HLCS: variants seen among roughly 807,000 people sequenced by gnomAD.
HLCS encodes the protein biotin--protein ligase.
A neutral mutation model predicts 75.0 loss-of-function variants in HLCS; 53 were observed. The ratio of observed to expected loss-of-function variants is 0.71; its 90% confidence interval spans 0.57 to 0.89. The LOEUF (loss-of-function observed/expected upper bound fraction) is 0.89. Ranked by LOEUF, HLCS falls within the 40% of genes least tolerant of loss-of-function variation. The pLI, the probability that HLCS is intolerant of heterozygous loss-of-function variation, is 0.00. For missense variants in HLCS, 966 were observed against 1,074.0 expected, an observed-to-expected ratio of 0.90 and a Z score of 1.41; for synonymous variants, 431 against 428.6, an observed-to-expected ratio of 1.01 and a Z score of -0.07.
intron 5 of HLCS, among the ~76,000 whole-genome samples, chr21:36,903,745 T>C (rs1419907126): frequency 6.6e-6 from 1 of 152,226 alleles, no homozygotes; most frequent in African/African-American, 2.4e-5. Flanking sequence ...TCAAACACAG[T>C]ACCATGGTAG....
At chr21:36,971,094 CA>C (rs1294864282), upstream of HLCS, among the ~76,000 whole-genome samples, 1 of 151,424 alleles carries the variant, frequency 6.6e-6, no homozygotes, top group Non-Finnish European at 1.5e-5. Context: ...TCAAATCAAG[CA>C]AAAAGTAATT....
At chr21:36,859,089 C>A (rs772971831) in intron 6 of HLCS, among the ~76,000 whole-genome samples, 11 of 152,196 alleles carry the variant, frequency 7.2e-5, no homozygotes, top group Non-Finnish European at 1.3e-4. Context: ...GTGGTGAGAT[C>A]CTGGCTCACT....
At position 36,753,465 on chromosome 21, in the gene HLCS, A is replaced by T. The variant is rs182349448; in HGVS notation, c.*781T>A. 1 of 152,376 alleles carries T rather than the reference A, an allele frequency of 6.6e-6. No individual in the cohort carries two copies. Among genetic ancestry groups the T allele is most frequent in the Non-Finnish European group, 1.5e-5 (1 of 68,084 alleles). The allele number at this position is 152,376 out of a possible 1,614,324, so 9.4% of individuals were successfully genotyped here. A position where few individuals can be genotyped will look rare whatever the true frequency, so the allele number is the denominator to read the frequency against. On this transcript the variant is annotated 3_prime_UTR_variant, in exon 11 of 11. Coordinates refer to ENST00000674895, the MANE Select transcript of HLCS (RefSeq NM_001352514.2). The surrounding 1 kb of genome is among the most constrained non-coding windows in gnomAD (Gnocchi z 4.3). ...CCACCTCCTCATCCAAGTGATGCCT[A>T]ATCAGACATTTAAGGATTCTGAACT...
chr21:36,831,856 C>T (rs1005776688), intron 6 of HLCS, among the ~76,000 whole-genome samples: 1 of 152,052 alleles, frequency 6.6e-6, no homozygotes. Flanking sequence ...AGTTTCAGAA[C>T]TGGTTCTAAA....
At chr21:36,978,104 C>A (rs1322382687) in intron 1 of HLCS, among the ~76,000 whole-genome samples, 1 of 152,190 alleles carries the variant, frequency 6.6e-6, no homozygotes, top group Admixed American at 6.5e-5. Flanking sequence ...TGAAGTGCTC[C>A]TTCAGGTTAA....
chr21:36,904,141 C>T (rs534644641), intron 5 of HLCS, among the ~76,000 whole-genome samples: 3 of 152,286 alleles, frequency 2.0e-5, no homozygotes, highest in African/African-American at 4.8e-5. Context: ...CAACAGAAAA[C>T]GGACTAAGAG....
intron 6 of HLCS, among the ~76,000 whole-genome samples, chr21:36,779,859 G>T (rs904938071): frequency 1.3e-5 from 2 of 151,860 alleles, no homozygotes; most frequent in South Asian, 2.1e-4. Flanking sequence ...GTTCAGAGTC[G>T]GAACTGTACA....
At chr21:36,947,658 T>C (rs2067468568) in intron 2 of HLCS, 3 of 985,384 alleles carry the variant, frequency 3.0e-6, no homozygotes, top group African/African-American at 3.5e-5. Flanking sequence ...TAACTAAAGC[T>C]CTTGACTTGA....
chr21:36,912,665 T>G (rs1209496311), intron 5 of HLCS, among the ~76,000 whole-genome samples: 1 of 152,198 alleles, frequency 6.6e-6, no homozygotes, highest in African/African-American at 2.4e-5. Flanking sequence ...ATATATATTT[T>G]ATCACATTAA....
chr21:36,930,694 G>C (rs560400896), intron 4 of HLCS, among the ~76,000 whole-genome samples: 1 of 152,062 alleles, frequency 6.6e-6, no homozygotes, highest in Admixed American at 6.5e-5. Context: ...ATCACACCCA[G>C]ATAGCTCATA....
intron 6 of HLCS, among the ~76,000 whole-genome samples, chr21:36,864,548 T>C (rs952146862): frequency 6.6e-6 from 1 of 152,228 alleles, no homozygotes; most frequent in African/African-American, 2.4e-5. Flanking sequence ...AAAATACACA[T>C]CAAAAAATTG....
intron 1 of HLCS, among the ~76,000 whole-genome samples, chr21:36,973,224 T>C (rs2068840914): frequency 8.1e-6 from 1 of 123,084 alleles, no homozygotes; most frequent in African/African-American, 3.0e-5. Flanking sequence ...AGAAAGACCC[T>C]GTCTTTTTTT....
intron 5 of HLCS, among the ~76,000 whole-genome samples, chr21:36,920,932 A>AT (rs1037238610): frequency 6.6e-6 from 1 of 152,180 alleles, no homozygotes; most frequent in African/African-American, 2.4e-5. Context: ...ATTAACCATC[A>AT]TTTTTTAATT....
chr21:36,941,075 T>C (rs1419255109), intron 2 of HLCS, among the ~76,000 whole-genome samples: 1 of 152,108 alleles, frequency 6.6e-6, no homozygotes, highest in African/African-American at 2.4e-5. Context: ...AGCCAGGCGT[T>C]GTTGTGGGTG....
In HLCS at chr21:36,858,676, C is replaced by G. The variant is rs374077534; in HGVS notation, c.1892+38184G>C. ...CTTGAAGAATAGTGGATGGAGGGTG[C>G]CTGCAGTGAGGTGGTGGCTGCTGTT... On this transcript the variant is annotated intron_variant, in intron 6 of 10. Transcript: ENST00000674895. Among the ~76,000 whole-genome samples the G allele has an allele frequency of 1.1e-4, 16 of 152,284 alleles. No individual in the cohort carries two copies. The East Asian group carries it at 2.1e-3, about 20-fold the overall frequency.
Position 36,936,541 on chromosome 21 carries a change from T to C in HLCS, c.1345A>G (p.Arg449Gly). ...QEGPVRLSPG[R>G]LQGHLENEDK... The stretch of plus-strand genomic sequence containing the variant: ...TCATTCTCCAGGTGGCCCTGGAGCC[T>C]GCCGGGGCTGAGCCGGACGGGGCCT... The change falls in exon 4 of 11, where the codon AGG becomes GGG. Residue 449 changes from arginine to glycine, a missense_variant. Transcript: ENST00000674895. 2 of 1,614,224 alleles carry C rather than the reference T, an allele frequency of 1.2e-6. No homozygotes were observed. Among genetic ancestry groups the C allele is most frequent in the Non-Finnish European group, 1.7e-6 (2 of 1,180,032 alleles).
chr21:36,884,070 C>T (rs542661687), intron 6 of HLCS, among the ~76,000 whole-genome samples: 9 of 152,294 alleles, frequency 5.9e-5, no homozygotes, highest in Non-Finnish European at 1.2e-4. Context: ...TAGTTCTGTG[C>T]GTGGATGCTT....
intron 8 of HLCS, among the ~76,000 whole-genome samples, chr21:36,760,927 G>A (rs1205141664): frequency 6.6e-6 from 1 of 152,248 alleles, no homozygotes; most frequent in African/African-American, 2.4e-5. Flanking sequence ...TAGACCTCGG[G>A]CTGGCAGCCA....
At position 36,806,019 on chromosome 21, in the gene HLCS, C is replaced by T. The variant is rs562344983; in HGVS notation, c.1893-38734G>A. On this transcript the variant is annotated intron_variant, in intron 6 of 10. Transcript: ENST00000674895. The stretch of plus-strand genomic sequence containing the variant: ...GCTCAGGTTTAAAATATTAAATGCT[C>T]ATCTTCTATCACTTACAGAGGGATT... 2.0e-5 allele frequency: 3 copies of T among 152,248 alleles called. No individual in the cohort carries two copies. The South Asian group carries it at 6.2e-4, about 32-fold the overall frequency. 9.4% of individuals were successfully genotyped at this position (152,248 alleles called of 1,614,324 possible).
Sources: allele counts gnomAD v4.1 joint callset (sites outside exome capture counted in the v4.1 genomes callset), GRCh38; gene constraint gnomAD v4.1.1; non-coding constraint Gnocchi (gnomAD v3.1); transcripts MANE v1.5; gene names NCBI Gene and HGNC (gene_info 2026-07-23, HGNC 2026-07-21).